PECR: variants seen among roughly 807,000 people sequenced by gnomAD.
The protein encoded by PECR is peroxisomal trans-2-enoyl-CoA reductase.
A neutral mutation model predicts 35.3 loss-of-function variants in PECR; 30 were observed. That is an observed-to-expected ratio of 0.85 (90% confidence interval 0.64 to 1.15). The LOEUF is 1.15. Ranked by LOEUF, PECR falls within the 50% of genes most tolerant of loss-of-function variation. The pLI is 0.00. For missense variants in PECR, 392 were observed against 370.8 expected (o/e 1.06, Z -0.47); for synonymous variants, 148 against 138.9 (o/e 1.07, Z -0.46).
chr2:216,048,231 C>A (rs952083948), intron 6 of PECR, among the ~76,000 whole-genome samples: 1 of 151,894 alleles, frequency 6.6e-6, no homozygotes, highest in African/African-American at 2.4e-5. Flanking sequence ...TCCGCCACCA[C>A]ACCCGGGTAA....
intron 3 of PECR, among the ~76,000 whole-genome samples, chr2:216,059,721 C>A (rs1412515674): frequency 1.3e-5 from 2 of 152,200 alleles, no homozygotes; most frequent in African/African-American, 4.8e-5. Context: ...AGTGGTATCA[C>A]ACTGGAGTTT....
intron 3 of PECR, among the ~76,000 whole-genome samples, chr2:216,059,436 G>A (rs1695291880): frequency 6.6e-6 from 1 of 152,126 alleles, no homozygotes; most frequent in South Asian, 2.1e-4. Flanking sequence ...GTTCCTTTTT[G>A]ATTGCCGAGT....
At chr2:216,049,231 C>T (rs761694239) in intron 6 of PECR, 32 bp downstream of exon 6, 1 of 1,020,758 alleles carries the variant, frequency 9.8e-7, no homozygotes, top group Non-Finnish European at 1.6e-6. Flanking sequence ...TAACACACAG[C>T]AATTCTAATC....
intron 4 of PECR, among the ~76,000 whole-genome samples, chr2:216,054,827 T>A (rs1215980643): frequency 6.6e-6 from 1 of 151,824 alleles, no homozygotes; most frequent in Non-Finnish European, 1.5e-5. Context: ...AGATACTTAA[T>A]GTAGGCCAGG....
At chr2:216,051,281 C>CAAAAAAAAAAAA (rs147574036) in intron 5 of PECR, among the ~76,000 whole-genome samples, 168 bp downstream of exon 5, 1 of 93,168 alleles carries the variant, frequency 1.1e-5, no homozygotes, top group African/African-American at 4.5e-5. Flanking sequence ...GACTCCATCT[C>CAAAAAAAAAAAA]AAAAAAAAAA....
intron 7 of PECR, among the ~76,000 whole-genome samples, chr2:216,029,420 G>A (rs1345712760): frequency 6.6e-6 from 1 of 152,182 alleles, no homozygotes; most frequent in Non-Finnish European, 1.5e-5. Flanking sequence ...AGAGGTTGCA[G>A]TGAGCTGAGA....
intron 7 of PECR, among the ~76,000 whole-genome samples, chr2:216,031,050 A>G (rs372086858): frequency 1.9e-4 from 28 of 149,954 alleles, no homozygotes; most frequent in African/African-American, 6.2e-4. Flanking sequence ...TCTGCTCTGT[A>G]TCTCACTGAA....
intron 6 of PECR, among the ~76,000 whole-genome samples, chr2:216,048,373 C>A (rs1307701112): frequency 1.6e-5 from 2 of 128,660 alleles, no homozygotes; most frequent in Admixed American, 1.7e-4. Context: ...CTGCGCCTGG[C>A]CTTGTTTTCT....
intron 1 of PECR, among the ~76,000 whole-genome samples, chr2:216,070,599 C>T (rs530965236): frequency 6.6e-6 from 1 of 152,210 alleles, no homozygotes; most frequent in East Asian, 1.9e-4. Flanking sequence ...GGAGGATGAA[C>T]GCAGAAATGA....
chr2:216,031,595 AGAAG>A, intron 7 of PECR, among the ~76,000 whole-genome samples: 1 of 93,678 alleles, frequency 1.1e-5, no homozygotes. Context: ...AGGAAAGAAA[AGAAG>A]GAAAGAAGGA....
chr2:216,033,461 GA>G (rs1309416293), downstream of PECR, among the ~76,000 whole-genome samples: 1 of 151,994 alleles, frequency 6.6e-6, no homozygotes, highest in Non-Finnish European at 1.5e-5. Flanking sequence ...GTACTTCATG[GA>G]AAGAGAGAAT....
At chr2:216,042,289 A>G (rs1344481408) in intron 7 of PECR, among the ~76,000 whole-genome samples, 3 of 152,180 alleles carry the variant, frequency 2.0e-5, no homozygotes, top group African/African-American at 7.2e-5. Flanking sequence ...CTTCCGTGCT[A>G]ATGGTTGTTG....
intron 1 of PECR, among the ~76,000 whole-genome samples, chr2:216,072,188 A>C (rs984535652): frequency 1.3e-5 from 2 of 152,210 alleles, no homozygotes; most frequent in African/African-American, 4.8e-5. Context: ...TTAATTTAAC[A>C]GTCTGCTCCA....
intron 1 of PECR, among the ~76,000 whole-genome samples, chr2:216,074,941 G>A (rs1269265776): frequency 6.6e-6 from 1 of 152,186 alleles, no homozygotes; most frequent in Non-Finnish European, 1.5e-5. Flanking sequence ...GGAATACTAT[G>A]CAGCTTTAAA....
At position 216,081,729 on chromosome 2, in the gene PECR, C is replaced by T; in HGVS notation, c.13G>A (p.Ala5Thr). MASW[A>T]KGRSYLAPGL... ...GGCGCCAGGTAGCTCCTGCCCTTAG[C>T]CCAGGAGGCCATCCCTGCAGCGGGG... The change falls in exon 1 of 8, where the codon GCT becomes ACT. Residue 5 changes from alanine (A) to threonine (T), a missense_variant. Ala to Thr is a moderately conservative substitution (Grantham distance 58, BLOSUM62 0). Transcript: ENST00000265322. 2.5e-6 allele frequency: 4 copies of T among 1,613,264 alleles called. No homozygotes were observed. The highest frequency in any genetic ancestry group is 3.4e-6 in the Non-Finnish European group (4 of 1,179,888).
At chr2:216,054,029 A>G (rs528197967) in intron 4 of PECR, among the ~76,000 whole-genome samples, 1 of 152,294 alleles carries the variant, frequency 6.6e-6, no homozygotes, top group South Asian at 2.1e-4. Flanking sequence ...TCATGCCTGT[A>G]ATCCCAGCAC....
intron 7 of PECR, among the ~76,000 whole-genome samples, chr2:216,030,962 A>ACG (rs1694678591): frequency 7.7e-6 from 1 of 129,816 alleles, no homozygotes; most frequent in South Asian, 2.2e-4. Context: ...TCTCTCACAC[A>ACG]CACACACACA....
At chr2:216,048,224 G>A (rs542377671) in intron 6 of PECR, among the ~76,000 whole-genome samples, 7 of 151,760 alleles carry the variant, frequency 4.6e-5, no homozygotes, top group South Asian at 2.1e-4. Context: ...ACAGGTGTCC[G>A]CCACCACACC....
chr2:216,035,975 T>A (rs1694787383), downstream of PECR, among the ~76,000 whole-genome samples: 3 of 152,240 alleles, frequency 2.0e-5, no homozygotes. Flanking sequence ...GCGTCACTCC[T>A]CATAGTGACA....
Sources: gnomAD v4.1 joint callset for allele counts (sites outside exome capture counted in the v4.1 genomes callset) on GRCh38, gnomAD v4.1.1 for gene constraint, MANE v1.5 for transcripts, NCBI Gene and HGNC (gene_info 2026-07-23, HGNC 2026-07-21) for gene names.